Variants in PKD1L3 observed in about 807,000 individuals in gnomAD.
PKD1L3 encodes polycystin-1-like protein 3.
A neutral mutation model predicts 184.1 loss-of-function variants in PKD1L3; 239 were observed. That is an observed-to-expected ratio of 1.30 (90% CI 1.17 to 1.45). PKD1L3 has a LOEUF of 1.45. Among genes scored for constraint, PKD1L3 ranks in the 40% most tolerant of loss-of-function variants. The pLI is 0.00. For missense variants in PKD1L3, 2,660 were observed against 2,067.2 expected (o/e 1.29, Z -5.56); for synonymous variants, 996 against 778.8 (o/e 1.28, Z -4.64).
At chr16:71,955,767 C>T (rs1036938529) in intron 16 of PKD1L3, among the ~76,000 whole-genome samples, 1 of 152,150 alleles carries the variant, frequency 6.6e-6, no homozygotes, top group African/African-American at 2.4e-5. Context: ...CCATCCTGTT[C>T]TTGTGATCGT....
At chr16:71,955,717 G>T (rs1436048220) in intron 16 of PKD1L3, among the ~76,000 whole-genome samples, 1 of 152,048 alleles carries the variant, frequency 6.6e-6, no homozygotes, top group Non-Finnish European at 1.5e-5. Context: ...GTCATGGGAG[G>T]AACCAGGTGG....
intron 11 of PKD1L3, among the ~76,000 whole-genome samples, chr16:71,976,455 T>A (rs1218819345): frequency 6.6e-6 from 1 of 150,408 alleles, no homozygotes; most frequent in South Asian, 2.1e-4. Flanking sequence ...TGGGGTTTCA[T>A]CATGTTGACC....
intron 3 of PKD1L3, among the ~76,000 whole-genome samples, chr16:71,992,991 T>C (rs1045455089): frequency 2.0e-5 from 3 of 152,244 alleles, no homozygotes; most frequent in East Asian, 3.8e-4. Context: ...TAAAACCTTG[T>C]CTTTTATTTG....
At position 71,933,828 on chromosome 16, in the gene PKD1L3, T is replaced by C. The variant is rs1198792751; in HGVS notation, c.4824+87A>G. 15 of 1,428,008 alleles carry C rather than the reference T, an allele frequency of 1.1e-5. No homozygotes were observed. In the African/African-American group the frequency reaches 1.6e-4, roughly 15 times the overall value. The allele number at this position is 1,428,008 out of a possible 1,614,324, so 88.5% of individuals were successfully genotyped here. On this transcript the variant is annotated intron_variant, in intron 27 of 29. Coordinates refer to ENST00000620267, the MANE Select transcript of PKD1L3 (RefSeq NM_181536.2). ...CTTTCCTACTGTACCACCTCGGGTT[T>C]CTGTGTTGTGACCATTTCTATGGGA...
intron 5 of PKD1L3, among the ~76,000 whole-genome samples, 177 bp downstream of exon 5, chr16:71,986,044 G>A (rs111261057): frequency 2.6e-5 from 4 of 152,234 alleles, no homozygotes; most frequent in African/African-American, 7.2e-5. Context: ...ACGTTGGGCT[G>A]TATATGTGCT....
intron 3 of PKD1L3, 98 bp downstream of exon 3, chr16:71,993,116 CAT>C: frequency 5.0e-6 from 4 of 806,918 alleles, no homozygotes; most frequent in East Asian, 2.9e-5. Context: ...ATATTGGGCA[CAT>C]GTTATAACAC....
chr16:71,975,052 T>C (rs557636622), intron 11 of PKD1L3, among the ~76,000 whole-genome samples: 2 of 152,224 alleles, frequency 1.3e-5, no homozygotes, highest in Admixed American at 6.5e-5. Context: ...TATTTATATA[T>C]ATCAGGAATT....
chr16:71,957,232 T>C (rs2039081479), intron 16 of PKD1L3, among the ~76,000 whole-genome samples: 1 of 152,064 alleles, frequency 6.6e-6, no homozygotes, highest in Admixed American at 6.6e-5. Flanking sequence ...CCAGTAGGTG[T>C]GGGTAACTGT....
In PKD1L3 at chr16:71,990,244, C is replaced by T. The variant is rs139407136; in HGVS notation, c.585+36G>A. The T allele has an allele frequency of 5.8e-4, 863 of 1,493,168 alleles. 3 individuals carry two copies. In the African/African-American group the frequency reaches 0.011, roughly 19 times the overall value. 92.5% of individuals were successfully genotyped at this position (1,493,168 alleles called of 1,614,324 possible). On this transcript the variant is annotated intron_variant, in intron 4 of 29. Coordinates refer to ENST00000620267, the MANE Select transcript of PKD1L3 (RefSeq NM_181536.2). ...CTACTAGGTATGACAAAGAGATCAA[C>T]ATTTCACAATGTATGTTGTCAAGGG... is the stretch of plus-strand genomic sequence containing the variant.
chr16:71,949,096 G>T (rs2038730348), intron 21 of PKD1L3, among the ~76,000 whole-genome samples: 1 of 152,118 alleles, frequency 6.6e-6, no homozygotes, highest in South Asian at 2.1e-4. Flanking sequence ...GCCATGAGTT[G>T]GTTATTGTTG....
intron 17 of PKD1L3, among the ~76,000 whole-genome samples, chr16:71,953,582 G>A (rs2038932462): frequency 6.6e-6 from 1 of 152,204 alleles, no homozygotes; most frequent in Admixed American, 6.5e-5. Flanking sequence ...AAGAGTGACA[G>A]GGGAACTGCC....
intron 16 of PKD1L3, among the ~76,000 whole-genome samples, chr16:71,960,177 A>T (rs929194390): frequency 6.6e-6 from 1 of 152,006 alleles, no homozygotes; most frequent in African/African-American, 2.4e-5. Context: ...TAAAAAAAAA[A>T]AACCAAAAAA....
chr16:71,993,402 T>C (rs1262613224), intron 2 of PKD1L3, 70 bp from the exon 3 acceptor site: 1 of 965,788 alleles, frequency 1.0e-6, no homozygotes, highest in Non-Finnish European at 1.5e-6. Context: ...AAAACCATCA[T>C]TACATGCACG....
chr16:71,980,099 A>C lies in PKD1L3; in HGVS notation c.1179T>G (p.Phe393Leu). 1 of 1,551,710 alleles carries C rather than the reference A, an allele frequency of 6.4e-7. No homozygotes were observed. Among genetic ancestry groups the C allele is most frequent in the South Asian group, 1.2e-5 (1 of 84,060 alleles). Reference protein sequence around the residue: ...EDILEMSLVEFGNIGEAFLEQ... With the variant: ...EDILEMSLVELGNIGEAFLEQ... ...CTAGAAATGCTTCCCCGATATTCCCAAACTCCACCAAGGACATTTCCAGGA... is the reference window on the plus strand; with the variant it reads ...CTAGAAATGCTTCCCCGATATTCCCCAACTCCACCAAGGACATTTCCAGGA... The change falls in exon 8 of 30, where the codon TTT becomes TTG. Residue 393 changes from phenylalanine to leucine, a missense_variant. Physicochemically the swap from Phe to Leu is conservative, Grantham distance 22. Transcript: ENST00000620267.
At chr16:71,977,064 T>G (rs756816083) in intron 11 of PKD1L3, among the ~76,000 whole-genome samples, 172 bp downstream of exon 11, 1 of 152,110 alleles carries the variant, frequency 6.6e-6, no homozygotes, top group Non-Finnish European at 1.5e-5. Flanking sequence ...TTTTAAGAAA[T>G]TAGCCAGATG....
chr16:71,986,283 C>T lies in PKD1L3; in HGVS notation c.772G>A (p.Glu258Lys), dbSNP rs958297008. 6.4e-7 allele frequency: 1 copy of T among 1,552,228 alleles called. No individual in the cohort carries two copies. The highest frequency in any genetic ancestry group is 2.4e-5 in the East Asian group (1 of 40,924). Residue 258 changes from glutamate to lysine, a missense_variant, in exon 5 of 30, where the codon GAA (glutamate) becomes AAA (lysine). Coordinates refer to ENST00000620267, the MANE Select transcript of PKD1L3 (RefSeq NM_181536.2). ...LAETTSSPKEEGHPNTFTSYL... is the reference protein window; with the variant it reads ...LAETTSSPKEKGHPNTFTSYL... ...GAGGTGAAGGTATTCGGATGACCTT[C>T]TTCCTTTGGGCTTGAAGTTGTTTCT...
chr16:71,942,134 G>T (rs1433533298), intron 24 of PKD1L3, among the ~76,000 whole-genome samples: 1 of 151,596 alleles, frequency 6.6e-6, no homozygotes, highest in African/African-American at 2.4e-5. Context: ...GGCAAACATG[G>T]CGAAACCCCA....
chr16:71,988,537 T>C (rs920537622), intron 4 of PKD1L3, among the ~76,000 whole-genome samples: 3 of 152,156 alleles, frequency 2.0e-5, no homozygotes, highest in Admixed American at 2.0e-4. Context: ...ACTTGGACCA[T>C]GTGGTGATCG....
intron 15 of PKD1L3, among the ~76,000 whole-genome samples, chr16:71,966,495 A>T (rs886436985): frequency 6.8e-6 from 1 of 147,252 alleles, no homozygotes; most frequent in Non-Finnish European, 1.5e-5. Context: ...TGGTGCAGAC[A>T]TGCTCACTGC....
Sources: gnomAD v4.1 joint callset for allele counts (sites outside exome capture counted in the v4.1 genomes callset) on GRCh38, gnomAD v4.1.1 for gene constraint, MANE v1.5 for transcripts, NCBI Gene and HGNC (gene_info 2026-07-23, HGNC 2026-07-21) for gene names.